GOLGA4: variants seen among roughly 807,000 people sequenced by gnomAD.
GOLGA4 encodes golgin subfamily A member 4.
GOLGA4 carries 169 observed loss-of-function variants against 265.9 expected under a neutral mutation model. That is an observed-to-expected ratio of 0.64 (90% confidence interval 0.56 to 0.72). The LOEUF is 0.72. Ranked by LOEUF, GOLGA4 falls within the 30% of genes least tolerant of loss-of-function variation. The pLI is 0.00. For missense variants in GOLGA4, 2,482 were observed against 2,483.4 expected (o/e 1.00, Z 0.01); for synonymous variants, 923 against 855.8 (o/e 1.08, Z -1.37).
chr3:37,328,927 T>C, intron 15 of GOLGA4, 36 bp from the exon 16 acceptor site: 1 of 1,509,434 alleles, frequency 6.6e-7, no homozygotes, highest in Non-Finnish European at 8.9e-7. Flanking sequence ...TCTTGACTAA[T>C]GTGTTTTCTT....
intron 2 of GOLGA4, among the ~76,000 whole-genome samples, chr3:37,257,549 A>T (rs2096752262): frequency 1.3e-5 from 2 of 152,152 alleles, no homozygotes; most frequent in South Asian, 4.2e-4. Context: ...AGTAGGTGCT[A>T]ACTAAGTTAT....
At chr3:37,262,398 C>T (rs971129754) in intron 2 of GOLGA4, among the ~76,000 whole-genome samples, 7 of 151,730 alleles carry the variant, frequency 4.6e-5, no homozygotes, top group South Asian at 2.1e-4. Flanking sequence ...CCCAGCTACT[C>T]GGGAGGCTGA....
intron 2 of GOLGA4, among the ~76,000 whole-genome samples, chr3:37,273,899 C>G (rs924961112): frequency 6.6e-6 from 1 of 151,934 alleles, no homozygotes; most frequent in East Asian, 1.9e-4. Context: ...GCCAAGAGTT[C>G]GAGACTAGCT....
chr3:37,345,060 G>A (rs769841612), intron 20 of GOLGA4, among the ~76,000 whole-genome samples: 2 of 151,892 alleles, frequency 1.3e-5, no homozygotes, highest in Admixed American at 1.3e-4. Flanking sequence ...AGACAAAAAC[G>A]TTAGCTAGGC....
chr3:37,361,874 G>A (rs1053694144), intron 23 of GOLGA4, among the ~76,000 whole-genome samples: 1 of 152,222 alleles, frequency 6.6e-6, no homozygotes, highest in Non-Finnish European at 1.5e-5. Context: ...TTAATTGAAT[G>A]TGATTCTTCC....
intron 16 of GOLGA4, 152 bp downstream of exon 16, chr3:37,329,245 A>C: frequency 1.9e-6 from 1 of 527,044 alleles, no homozygotes. Context: ...TGTTATATGC[A>C]GATTTATAAA....
chr3:37,353,206 T>C (rs560508942), intron 21 of GOLGA4, among the ~76,000 whole-genome samples: 1 of 152,134 alleles, frequency 6.6e-6, no homozygotes, highest in Admixed American at 6.6e-5. Flanking sequence ...GATATTATAA[T>C]AATGAAAAGG....
intron 23 of GOLGA4, among the ~76,000 whole-genome samples, chr3:37,364,051 A>G (rs534788851): frequency 5.6e-4 from 85 of 152,290 alleles, no homozygotes; most frequent in Admixed American, 4.4e-3. Context: ...TATAAATAAT[A>G]TACTATTAGT....
intron 14 of GOLGA4, 87 bp downstream of exon 14, chr3:37,327,912 T>C (rs1193928723): frequency 9.3e-7 from 1 of 1,079,820 alleles, no homozygotes; most frequent in African/African-American, 1.6e-5. Context: ...TTATTTTAAA[T>C]TATTTGGATA....
rs73825088 is a variant in GOLGA4, at chr3:37,349,608, G to A, written c.6576+2312G>A. Among the ~76,000 whole-genome samples, 1,087 of 152,288 alleles carry A rather than the reference G, an allele frequency of 7.1e-3. 15 individuals are homozygous for A. The highest frequency in any genetic ancestry group is 0.024 in the African/African-American group (1,017 of 41,566). On this transcript the variant is annotated intron_variant, in intron 21 of 23. Transcript: ENST00000361924. Reference sequence around the variant, plus strand: ...AATGTTTTCAGAGTTTTACCTGTAGGTATTGGGAGGGGGTAGCCCTGAAAA... The same window carrying A: ...AATGTTTTCAGAGTTTTACCTGTAGATATTGGGAGGGGGTAGCCCTGAAAA...
intron 9 of GOLGA4, among the ~76,000 whole-genome samples, chr3:37,300,038 G>A (rs1427362064): frequency 6.6e-6 from 1 of 152,108 alleles, no homozygotes; most frequent in Non-Finnish European, 1.5e-5. Context: ...GTGACAGGGT[G>A]AGACCCTGTC....
intron 20 of GOLGA4, among the ~76,000 whole-genome samples, chr3:37,346,992 T>C (rs141857677): frequency 1.9e-3 from 282 of 152,336 alleles, no homozygotes; most frequent in Non-Finnish European, 3.0e-3. Flanking sequence ...AAAATTGTTA[T>C]AGTAATTCTT....
chr3:37,261,740 C>G (rs954726175), intron 2 of GOLGA4, among the ~76,000 whole-genome samples: 5 of 152,104 alleles, frequency 3.3e-5, no homozygotes, highest in African/African-American at 1.2e-4. Flanking sequence ...AAAGCTGTCA[C>G]TAACTGCTGC....
At chr3:37,249,411 T>A (rs1224256321) in intron 1 of GOLGA4, among the ~76,000 whole-genome samples, 1 of 152,188 alleles carries the variant, frequency 6.6e-6, no homozygotes, top group Non-Finnish European at 1.5e-5. Context: ...ATTGATTTTC[T>A]TGTTTATATG....
rs80092170 is a variant in GOLGA4 at position 37,329,911 on chromosome 3, A to G, written c.6192+818A>G. Among the ~76,000 whole-genome samples, 1,388 of 152,266 alleles carry G rather than the reference A, an allele frequency of 9.1e-3. 29 individuals carry two copies. Among genetic ancestry groups the G allele is most frequent in the African/African-American group, 0.032 (1,317 of 41,516 alleles). ...TGATTAAGAATTCATAAATCAAAGA[A>G]TCATACCTCAGCTGACTATGTCAGC... On this transcript the variant is annotated intron_variant, in intron 16 of 23. Coordinates refer to ENST00000361924, the MANE Select transcript of GOLGA4 (RefSeq NM_002078.5).
At chr3:37,334,354 G>A (rs1387783539) in intron 16 of GOLGA4, among the ~76,000 whole-genome samples, 2 of 152,080 alleles carry the variant, frequency 1.3e-5, no homozygotes, top group Non-Finnish European at 2.9e-5. Context: ...TTACCAGCAC[G>A]TTGGACAGTA....
chr3:37,295,958 A>G, intron 6 of GOLGA4, 129 bp from the exon 7 acceptor site: 1 of 723,958 alleles, frequency 1.4e-6, no homozygotes. Flanking sequence ...TATATAATGG[A>G]CTTGAGCTCC....
At chr3:37,359,144 A>G (rs967807526) in intron 22 of GOLGA4, among the ~76,000 whole-genome samples, 1 of 152,174 alleles carries the variant, frequency 6.6e-6, no homozygotes, top group Admixed American at 6.5e-5. Context: ...TTAGTTTACT[A>G]TACCTTGCTA....
chr3:37,365,955 GTC>G (rs1696720620), intron 23 of GOLGA4, 123 bp from the exon 24 acceptor site: 1 of 734,310 alleles, frequency 1.4e-6, no homozygotes, highest in Non-Finnish European at 2.1e-6. Flanking sequence ...CTTTACTGCA[GTC>G]TCTAGACCAT....
Sources: allele counts gnomAD v4.1 joint callset (sites outside exome capture counted in the v4.1 genomes callset), GRCh38; gene constraint gnomAD v4.1.1; transcripts MANE v1.5; gene names NCBI Gene and HGNC (gene_info 2026-07-23, HGNC 2026-07-21).